IL36RN: variants seen among roughly 807,000 people sequenced by gnomAD.
IL36RN encodes the protein interleukin-36 receptor antagonist protein.
A neutral mutation model predicts 13.0 loss-of-function variants in IL36RN; 11 were observed. The observed-to-expected ratio is 0.85, with a 90% CI of 0.53 to 1.40. IL36RN has a LOEUF of 1.40. Among genes scored for constraint, IL36RN ranks in the 40% most tolerant of loss-of-function variants. IL36RN has a pLI of 0.00. For synonymous variants in IL36RN, 94 were observed against 84.1 expected, an observed-to-expected ratio of 1.12 and a Z score of -0.64; for missense variants, 195 against 195.3, an observed-to-expected ratio of 1.00 and a Z score of 0.01.
At position 113,062,216 on chromosome 2, in the gene IL36RN, T is replaced by C. The variant is rs375718709; in HGVS notation, c.208T>C (p.Cys70Arg). The C allele has an allele frequency of 2.5e-6, 4 of 1,613,916 alleles. No homozygotes were observed. Among genetic ancestry groups the C allele is most frequent in the African/African-American group, 1.3e-5 (1 of 74,990 alleles). The change falls in exon 4 of 5, where the codon TGT (cysteine) becomes CGT (arginine). Residue 70 changes from cysteine (C) to arginine (R), a missense_variant. Transcript: ENST00000393200. The part of the protein sequence containing the change: ...GVQGGSQCLS[C>R]GVGQEPTLTL... ...CCAGGGTGGAAGCCAGTGCCTGTCA[T>C]GTGGGGTGGGGCAGGAGCCGACTCT...
Position 113,059,444 on chromosome 2 carries a change from C to T in IL36RN, c.6C>T (p.Val2=), listed in dbSNP as rs28938771. 3.7e-4 allele frequency: 590 copies of T among 1,613,854 alleles called. 3 individuals carry two copies. The African/African-American group carries it at 7.1e-3, about 19-fold the overall frequency. M[V]LSGALCFRMK... ...TACACCCTGTGGAGCTCAAGATGGT[C>T]CTGAGTGGGGCGCTGTGCTTCCGGT... is the stretch of plus-strand genomic sequence containing the variant. The change falls in exon 2 of 5, where the codon GTC becomes GTT. Residue 2 remains valine (V), a synonymous_variant. Coordinates refer to ENST00000393200, the MANE Select transcript of IL36RN (RefSeq NM_012275.3).
At chr2:113,058,904 C>A (rs990524), upstream of IL36RN, among the ~76,000 whole-genome samples, 17 of 152,092 alleles carry the variant, frequency 1.1e-4, no homozygotes, top group Non-Finnish European at 2.5e-4. Context: ...GAAAGAAAGT[C>A]GCGCTTCCCT....
At chr2:113,062,410 C>T (rs749501046) in intron 4 of IL36RN, 43 bp from the exon 5 acceptor site, 2 of 1,610,298 alleles carry the variant, frequency 1.2e-6, no homozygotes, top group Admixed American at 3.3e-5. Flanking sequence ...CTCCCTCTGC[C>T]CCTGCTTCTG....
chr2:113,062,683 C>T lies in IL36RN; in HGVS notation c.*6C>T, dbSNP rs189986394. The T allele has an allele frequency of 1.2e-4, 199 of 1,607,890 alleles. No individual in the cohort carries two copies. Among genetic ancestry groups the T allele is most frequent in the Non-Finnish European group, 1.4e-4 (171 of 1,179,346 alleles). ...ACTTCCAGCAGTGTGACTAGGGCAA[C>T]GTGCCCCCCAGAACTCCCTGGGCAG... On this transcript the variant is annotated 3_prime_UTR_variant, in exon 5 of 5. Coordinates refer to ENST00000393200, the MANE Select transcript of IL36RN (RefSeq NM_012275.3).
rs1017291679 is a variant in IL36RN, at chr2:113,060,728, C to T, written c.30-124C>T. ...GCTGGGAGACAAGGCTGTGCTGTTA[C>T]TTCTGGCACAGTAGGAAGAAAGAGA... On this transcript the variant is annotated intron_variant, in intron 2 of 4. Transcript: ENST00000393200. 5.6e-5 allele frequency: 42 copies of T among 745,368 alleles called. No homozygotes were observed. The Middle Eastern group carries it at 1.4e-3, about 25-fold the overall frequency. 46.2% of individuals were successfully genotyped at this position (745,368 alleles called of 1,614,324 possible).
intron 2 of IL36RN, 76 bp downstream of exon 2, chr2:113,059,543 G>C (rs760435827): frequency 3.9e-5 from 60 of 1,531,764 alleles, no homozygotes; most frequent in Non-Finnish European, 5.2e-5. Context: ...GTCCAGCTCT[G>C]AGCAGGAGGG....
Position 113,059,225 on chromosome 2 carries a change from G to T in IL36RN, c.-44G>T, listed in dbSNP as rs1325372022. ...GCAGACTCCACAGCTCCCGCCAGGA[G>T]AAAGGAACATTCTGAGGTATGCTCT... On this transcript the variant is annotated 5_prime_UTR_variant, in exon 1 of 5. Coordinates refer to ENST00000393200, the MANE Select transcript of IL36RN (RefSeq NM_012275.3). The T allele has an allele frequency of 1.6e-6, 1 of 630,040 alleles. No individual in the cohort carries two copies. Among genetic ancestry groups the T allele is most frequent in the African/African-American group, 1.8e-5 (1 of 55,330 alleles). 39.0% of individuals were successfully genotyped at this position (630,040 alleles called of 1,614,324 possible).
chr2:113,059,154 C>T, upstream of IL36RN: 2 of 500,676 alleles, frequency 4.0e-6, no homozygotes, highest in South Asian at 4.6e-5. Context: ...TTCAGGGCCC[C>T]TCCCTAGGCC....
intron 3 of IL36RN, among the ~76,000 whole-genome samples, chr2:113,061,430 C>G (rs1374286): frequency 0.69 from 104,566 of 152,064 alleles, 36,749 homozygotes; most frequent in East Asian, 0.93. Flanking sequence ...CACTGCAACA[C>G]GTCCCTCTCT....
chr2:113,064,393 T>C lies in IL36RN; in HGVS notation c.*1716T>C, dbSNP rs1471073705. 1 of 152,216 alleles carries C rather than the reference T, an allele frequency of 6.6e-6. No individual in the cohort carries two copies. Among genetic ancestry groups the C allele is most frequent in the Non-Finnish European group, 1.5e-5 (1 of 68,024 alleles). The allele number at this position is 152,216 out of a possible 1,614,324, so 9.4% of individuals were successfully genotyped here. On this transcript the variant is annotated 3_prime_UTR_variant, in exon 5 of 5. Coordinates refer to ENST00000393200, the MANE Select transcript of IL36RN (RefSeq NM_012275.3). ...ATTCTGTGTGTGTCCCCTCCCACAA[T>C]GTACCAAAGTTGTCTTTGTGACCAA...
chr2:113,059,480 G>A lies in IL36RN; in HGVS notation c.29+13G>A, dbSNP rs756356055. 6 of 1,613,694 alleles carry A rather than the reference G, an allele frequency of 3.7e-6. No homozygotes were observed. The highest frequency in any genetic ancestry group is 2.2e-5 in the South Asian group (2 of 91,066). On this transcript the variant is annotated intron_variant, in intron 2 of 4. Coordinates refer to ENST00000393200, the MANE Select transcript of IL36RN (RefSeq NM_012275.3). ...CGCTGTGCTTCCGGTGAGTGTATGA[G>A]GCCCTGGTTTGGTGGTGTCCTCCGG...
rs1452218201 is a variant in IL36RN at position 113,063,033 on chromosome 2, C to T, written c.*356C>T. On this transcript the variant is annotated 3_prime_UTR_variant, in exon 5 of 5. Transcript: ENST00000393200. ...TTACCCTGAGCCCCGCAGGCCAACCCATCCCCAGTTGAGCCTTATAGGGTC... is the reference window on the plus strand; with the variant it reads ...TTACCCTGAGCCCCGCAGGCCAACCTATCCCCAGTTGAGCCTTATAGGGTC... The T allele has an allele frequency of 4.3e-5, 16 of 369,076 alleles. No individual in the cohort carries two copies. Among genetic ancestry groups the T allele is most frequent in the Non-Finnish European group, 2.1e-5 (4 of 190,108 alleles). 22.9% of individuals were successfully genotyped at this position (369,076 alleles called of 1,614,324 possible).
chr2:113,062,807 A>G lies in IL36RN; in HGVS notation c.*130A>G. 1 of 814,624 alleles carries G rather than the reference A, an allele frequency of 1.2e-6. No homozygotes were observed. The highest frequency in any genetic ancestry group is 1.5e-5 in the South Asian group (1 of 68,298). The allele number at this position is 814,624 out of a possible 1,614,324, so 50.5% of individuals were successfully genotyped here. On this transcript the variant is annotated 3_prime_UTR_variant, in exon 5 of 5. Transcript: ENST00000393200. ...CGTCTGACTTAGTGGGCACCTGACC[A>G]CTTTGTCTTCTGGTTCCCAGTTTGG...
chr2:113,062,621 G>A lies in IL36RN; in HGVS notation c.412G>A (p.Glu138Lys), dbSNP rs750580815. 1.6e-5 allele frequency: 26 copies of A among 1,613,210 alleles called. No individual in the cohort carries two copies. The highest frequency in any genetic ancestry group is 2.2e-5 in the East Asian group (1 of 44,880). ...DQPVRLTQLP[E>K]NGGWNAPITD... Reference sequence around the variant, plus strand: ...GCCTGTCAGACTCACCCAGCTTCCCGAGAATGGTGGCTGGAATGCCCCCAT... The same window carrying A: ...GCCTGTCAGACTCACCCAGCTTCCCAAGAATGGTGGCTGGAATGCCCCCAT... The change falls in exon 5 of 5, where the codon GAG becomes AAG. Residue 138 changes from glutamate (E) to lysine (K), a missense_variant. Glu to Lys is a moderately conservative substitution (Grantham distance 56, BLOSUM62 1). Coordinates refer to ENST00000393200, the MANE Select transcript of IL36RN (RefSeq NM_012275.3).
rs1685675650 is a variant in IL36RN at position 113,063,059 on chromosome 2, A to G, written c.*382A>G. 2 of 355,130 alleles carry G rather than the reference A, an allele frequency of 5.6e-6. No individual in the cohort carries two copies. Among genetic ancestry groups the G allele is most frequent in the African/African-American group, 2.1e-5 (1 of 47,106 alleles). The allele number at this position is 355,130 out of a possible 1,614,324, so 22.0% of individuals were successfully genotyped here. ...ATCCCCAGTTGAGCCTTATAGGGTCAGTAGCTCTCCACATGAAGACCTGTC... is the reference window on the plus strand; with the variant it reads ...ATCCCCAGTTGAGCCTTATAGGGTCGGTAGCTCTCCACATGAAGACCTGTC... On this transcript the variant is annotated 3_prime_UTR_variant, in exon 5 of 5. Transcript: ENST00000393200.
Position 113,062,167 on chromosome 2 carries a change from C to T in IL36RN, c.159C>T (p.Ser53=). The part of the protein sequence containing the change: ...SVVPNRWLDA[S]LSPVILGVQG... ...TCCCCAATCGGTGGCTGGATGCCAGCCTGTCCCCCGTCATCCTGGGTGTCC... is the reference window on the plus strand; with the variant it reads ...TCCCCAATCGGTGGCTGGATGCCAGTCTGTCCCCCGTCATCCTGGGTGTCC... The change falls in exon 4 of 5, where the codon AGC becomes AGT. Residue 53 remains serine (S), a synonymous_variant. Transcript: ENST00000393200. The T allele has an allele frequency of 6.2e-7, 1 of 1,614,108 alleles. No homozygotes were observed. Among genetic ancestry groups the T allele is most frequent in the Non-Finnish European group, 8.5e-7 (1 of 1,179,964 alleles).
At position 113,062,658 on chromosome 2, in the gene IL36RN, A is replaced by C. The variant is rs770371053; in HGVS notation, c.449A>C (p.Tyr150Ser). The C allele has an allele frequency of 8.1e-6, 13 of 1,611,650 alleles. No homozygotes were observed. Among genetic ancestry groups the C allele is most frequent in the Non-Finnish European group, 7.6e-6 (9 of 1,179,984 alleles). The change falls in exon 5 of 5, where the codon TAC (tyrosine) becomes TCC (serine). Residue 150 changes from tyrosine to serine, a missense_variant. Physicochemically the swap from Tyr to Ser is moderately radical, Grantham distance 144. Coordinates refer to ENST00000393200, the MANE Select transcript of IL36RN (RefSeq NM_012275.3). Reference protein sequence around the residue: ...GGWNAPITDFYFQQCD With the variant: ...GGWNAPITDFSFQQCD ...TGGAATGCCCCCATCACAGACTTCT[A>C]CTTCCAGCAGTGTGACTAGGGCAAC...
chr2:113,063,815 G>C lies in IL36RN; in HGVS notation c.*1138G>C, dbSNP rs1239402727. The C allele has an allele frequency of 1.3e-5, 2 of 152,150 alleles. No individual in the cohort carries two copies. The highest frequency in any genetic ancestry group is 4.8e-5 in the African/African-American group (2 of 41,418). 9.4% of individuals were successfully genotyped at this position (152,150 alleles called of 1,614,324 possible). A position where few individuals can be genotyped will look rare whatever the true frequency, so the allele number is the denominator to read the frequency against. ...GGAACTTAAAGAACAAAAATCATCT[G>C]GTAATTCTTTCCTAGAAGGATCACA... On this transcript the variant is annotated 3_prime_UTR_variant, in exon 5 of 5. Coordinates refer to ENST00000393200, the MANE Select transcript of IL36RN (RefSeq NM_012275.3).
At chr2:113,058,990 G>A (rs887471695), upstream of IL36RN, 8 of 218,846 alleles carry the variant, frequency 3.7e-5, no homozygotes, top group Non-Finnish European at 6.5e-5. Flanking sequence ...CAAAGAGCTG[G>A]AAAGCCTCAA....
Sources: allele counts gnomAD v4.1 joint callset (sites outside exome capture counted in the v4.1 genomes callset), GRCh38; gene constraint gnomAD v4.1.1; transcripts MANE v1.5; gene names NCBI Gene and HGNC (gene_info 2026-07-23, HGNC 2026-07-21).